The following GRIP2 variants were observed in gnomAD, a reference collection of about 807,000 sequenced individuals.
GRIP2 encodes glutamate receptor-interacting protein 2.
GRIP2 carries 58 observed loss-of-function variants against 108.3 expected under a neutral mutation model. That is an observed-to-expected ratio of 0.54 (90% CI 0.43 to 0.67). GRIP2 has a LOEUF of 0.67. Among genes scored for constraint, GRIP2 ranks in the 30% least tolerant of loss-of-function variants. The pLI is 0.00. For missense variants in GRIP2, 1,278 were observed against 1,430.6 expected (o/e 0.89, Z 1.72); for synonymous variants, 586 against 598.2 (o/e 0.98, Z 0.30).
chr3:14,575,659 G>A, the GRIP2 span, among the ~76,000 whole-genome samples: 5 of 152,364 alleles, frequency 3.3e-5, no homozygotes, highest in African/African-American at 9.6e-5. Context: ...TCCCACAGCC[G>A]AGGCTGGCAG....
At chr3:14,499,957 C>G (rs147701479) in intron 21 of GRIP2, among the ~76,000 whole-genome samples, 25 of 152,210 alleles carry the variant, frequency 1.6e-4, no homozygotes, top group African/African-American at 5.8e-4. Context: ...TCAAAGCTAT[C>G]CTGGGCTACA....
chr3:14,511,344 G>T lies in GRIP2; in HGVS notation c.1788-34C>A, dbSNP rs190235820. 6.2e-7 allele frequency: 1 copy of T among 1,613,978 alleles called. No homozygotes were observed. Among genetic ancestry groups the T allele is most frequent in the East Asian group, 2.2e-5 (1 of 44,874 alleles). ...GTCGGGGGCAGAGGGGATGGAAGGAGCCTGGTGCATGCAGGTGCCATACTC... is the reference window on the plus strand; with the variant it reads ...GTCGGGGGCAGAGGGGATGGAAGGATCCTGGTGCATGCAGGTGCCATACTC... On this transcript the variant is annotated intron_variant, in intron 15 of 23. Coordinates refer to ENST00000621039, the MANE Select transcript of GRIP2 (RefSeq NM_001080423.4). This position sits in a 1 kb window ranked among gnomAD's most constrained non-coding sequence, Gnocchi z 4.1.
chr3:14,547,633 G>A (rs558576005), intron 1 of GRIP2, among the ~76,000 whole-genome samples: 1 of 152,318 alleles, frequency 6.6e-6, no homozygotes, highest in African/African-American at 2.4e-5. Context: ...GACTTGAATG[G>A]GTGCTCAGAG....
Position 14,512,960 on chromosome 3 carries a change from G to T in GRIP2, c.1640-103C>A. On this transcript the variant is annotated intron_variant, in intron 13 of 23. Transcript: ENST00000621039. This position sits in a 1 kb window ranked among gnomAD's most constrained non-coding sequence, Gnocchi z 5.1. The stretch of plus-strand genomic sequence containing the variant: ...GGCTGTGCTGGGAGTGACCCCGAAA[G>T]TCACAGTTCTAATCTCATCCCCCTG... The T allele has an allele frequency of 1.0e-6, 1 of 991,406 alleles. No homozygotes were observed. Among genetic ancestry groups the T allele is most frequent in the Non-Finnish European group, 1.6e-6 (1 of 624,326 alleles). The allele number at this position is 991,406 out of a possible 1,614,324, so 61.4% of individuals were successfully genotyped here. A position where few individuals can be genotyped will look rare whatever the true frequency, so the allele number is the denominator to read the frequency against.
At chr3:14,494,218 A>G (rs1387462968) in intron 23 of GRIP2, among the ~76,000 whole-genome samples, 1 of 152,174 alleles carries the variant, frequency 6.6e-6, no homozygotes, top group East Asian at 1.9e-4. Context: ...CAAGATTTTC[A>G]CTCCTAATGG....
At chr3:14,573,020 C>T in the GRIP2 span, 5 of 1,433,714 alleles carry the variant, frequency 3.5e-6, no homozygotes, top group Non-Finnish European at 4.9e-6. Context: ...GGCAGCATTT[C>T]CAGTACAGAT....
chr3:14,517,502 T>A lies in GRIP2; in HGVS notation c.1156+270A>T, dbSNP rs930605431. 6.5e-4 allele frequency among the ~76,000 whole-genome samples: 87 copies of A among 133,282 alleles called. 1 individual carries two copies. The South Asian group carries it at 0.023, about 35-fold the overall frequency. The allele number at this position is 133,282 out of a possible 152,430, so 87.4% of individuals were successfully genotyped here. A position where few individuals can be genotyped will look rare whatever the true frequency, so the allele number is the denominator to read the frequency against. On this transcript the variant is annotated intron_variant, in intron 10 of 23. Coordinates refer to ENST00000621039, the MANE Select transcript of GRIP2 (RefSeq NM_001080423.4). ...CCACCTAATCTCTCTCTCTTTTTTT[T>A]TTTTTTTTTTTTTTTTTTAGTTGAG...
the GRIP2 span, among the ~76,000 whole-genome samples, chr3:14,579,172 G>A: frequency 2.6e-5 from 4 of 152,220 alleles, no homozygotes; most frequent in South Asian, 8.3e-4. Flanking sequence ...AAAACAGGCT[G>A]AGCCAAAGAG....
At chr3:14,503,457 A>T in intron 21 of GRIP2, 109 bp downstream of exon 21, 1 of 738,516 alleles carries the variant, frequency 1.4e-6, no homozygotes, top group East Asian at 2.7e-5. Context: ...GCATACGTAC[A>T]CATTACACAT....
At chr3:14,501,093 G>T in intron 21 of GRIP2, among the ~76,000 whole-genome samples, 1 of 152,154 alleles carries the variant, frequency 6.6e-6, no homozygotes, top group Non-Finnish European at 1.5e-5. Flanking sequence ...ACAACATGAA[G>T]CTAAGTGAAA....
chr3:14,573,429 T>G, the GRIP2 span: 1 of 1,412,458 alleles, frequency 7.1e-7, no homozygotes, highest in South Asian at 1.2e-5. Context: ...GATCCTGGTG[T>G]GCAGGAAGAG....
chr3:14,571,604 A>G, the GRIP2 span, among the ~76,000 whole-genome samples: 1 of 152,176 alleles, frequency 6.6e-6, no homozygotes, highest in Non-Finnish European at 1.5e-5. Context: ...AGGTTAAGTA[A>G]AGTGGTCATC....
chr3:14,516,504 T>A (rs374989457), intron 11 of GRIP2, among the ~76,000 whole-genome samples: 147 of 152,362 alleles, frequency 9.6e-4, no homozygotes, highest in African/African-American at 3.0e-3. Context: ...CATTCACTAC[T>A]TTTGTCTTCT....
intron 1 of GRIP2, among the ~76,000 whole-genome samples, chr3:14,537,455 C>A (rs1477067682): frequency 6.6e-6 from 1 of 152,276 alleles, no homozygotes; most frequent in African/African-American, 2.4e-5. Flanking sequence ...GGGGGCCGGG[C>A]TTCTGTCTGC....
At chr3:14,596,084 C>A in the GRIP2 span, among the ~76,000 whole-genome samples, 1 of 152,254 alleles carries the variant, frequency 6.6e-6, no homozygotes, top group African/African-American at 2.4e-5. Flanking sequence ...CAGGAAGCTG[C>A]ACCCACAGGC....
Position 14,520,401 on chromosome 3 carries a change from G to C in GRIP2, c.849C>G (p.Ser283Arg). 3.1e-6 allele frequency: 5 copies of C among 1,612,022 alleles called. No homozygotes were observed. Among genetic ancestry groups the C allele is most frequent in the South Asian group, 1.1e-5 (1 of 90,598 alleles). ...VITIDRIKPA[S>R]VVDRSGALHP... ...AGGGTGTGCCTTACCTGTCCACCACGCTGGCTGGCTTGATGCGGTCGATGG... is the reference window on the plus strand; with the variant it reads ...AGGGTGTGCCTTACCTGTCCACCACCCTGGCTGGCTTGATGCGGTCGATGG... Residue 283 changes from serine (S) to arginine (R), a missense_variant, in exon 8 of 24, where the codon AGC becomes AGG. Coordinates refer to ENST00000621039, the MANE Select transcript of GRIP2 (RefSeq NM_001080423.4).
In GRIP2 at chr3:14,540,131, A is replaced by C. The variant is rs1030414596; in HGVS notation, c.40+138T>G. On this transcript the variant is annotated intron_variant, in intron 1 of 23. Transcript: ENST00000621039. The surrounding 1 kb of genome is among the most constrained non-coding windows in gnomAD (Gnocchi z 4.1). ...ACAGCCCCAGCAAGTGTCCTGCCCCACCCTCCCCAAGCCCTGGGTCTCCAG... is the reference window on the plus strand; with the variant it reads ...ACAGCCCCAGCAAGTGTCCTGCCCCCCCCTCCCCAAGCCCTGGGTCTCCAG... The C allele has an allele frequency of 2.7e-6, 3 of 1,105,968 alleles. No homozygotes were observed. The highest frequency in any genetic ancestry group is 2.2e-4 in the Middle Eastern group (1 of 4,478). 68.5% of individuals were successfully genotyped at this position (1,105,968 alleles called of 1,614,324 possible).
chr3:14,513,381 C>A (rs1388922619), intron 13 of GRIP2, among the ~76,000 whole-genome samples: 1 of 152,176 alleles, frequency 6.6e-6, no homozygotes, highest in African/African-American at 2.4e-5. Context: ...AACTGTTGTT[C>A]GAGGTTCTTT....
At chr3:14,563,056 G>A in the GRIP2 span, among the ~76,000 whole-genome samples, 6 of 152,188 alleles carry the variant, frequency 3.9e-5, no homozygotes, top group East Asian at 1.9e-4. Flanking sequence ...GATTAAAAGA[G>A]ACACAAGAGA....
Sources: gnomAD v4.1 joint callset for allele counts (sites outside exome capture counted in the v4.1 genomes callset) on GRCh38, gnomAD v4.1.1 for gene constraint, Gnocchi (gnomAD v3.1) non-coding constraint, MANE v1.5 for transcripts, NCBI Gene and HGNC (gene_info 2026-07-23, HGNC 2026-07-21) for gene names.